NRXN3: variants seen among roughly 807,000 people sequenced by gnomAD.
NRXN3 encodes the protein neurexin 3.
Under a neutral mutation model 137.6 loss-of-function variants are expected in NRXN3, and 32 were observed. The ratio of observed to expected loss-of-function variants is 0.23; its 90% CI spans 0.18 to 0.31. NRXN3 has a LOEUF of 0.31. NRXN3 is among the 10% of genes least tolerant of loss of function. The pLI is 1.00. For synonymous variants in NRXN3, 798 were observed against 784.5 expected, an observed-to-expected ratio of 1.02 and a Z score of -0.29; for missense variants, 1,574 against 2,062.5, an observed-to-expected ratio of 0.76 and a Z score of 4.59.
At chr14:79,486,913 TTCTCTCTCTCTC>T (rs58861355) in intron 16 of NRXN3, among the ~76,000 whole-genome samples, 1,546 of 128,526 alleles carry the variant, frequency 0.012, 33 homozygotes, top group Middle Eastern at 0.023. Context: ...TCTTTACAGG[TTCTCTCTCTCTC>T]TCTCTCTCTC....
At position 79,774,593 on chromosome 14, in the gene NRXN3, C is replaced by T. The variant is rs77348935; in HGVS notation, c.4015-30519C>T. 2.4e-3 allele frequency among the ~76,000 whole-genome samples: 360 copies of T among 152,214 alleles called. 11 individuals are homozygous for T. The East Asian group carries it at 0.044, about 19-fold the overall frequency. On this transcript the variant is annotated intron_variant, in intron 19 of 20. Transcript: ENST00000335750. ...TAATCAGACCGTTAATGAATGTCTTCGCATTCATTATCAGACTCTGAAAAA... is the reference window on the plus strand; with the variant it reads ...TAATCAGACCGTTAATGAATGTCTTTGCATTCATTATCAGACTCTGAAAAA...
chr14:79,233,455 C>T (rs1168967537), intron 15 of NRXN3, among the ~76,000 whole-genome samples: 1 of 152,054 alleles, frequency 6.6e-6, no homozygotes, highest in African/African-American at 2.4e-5. Context: ...CTACTGTTGC[C>T]TTCTTGTACA....
chr14:79,195,516 G>A (rs903874878), intron 15 of NRXN3, among the ~76,000 whole-genome samples: 1 of 152,146 alleles, frequency 6.6e-6, no homozygotes, highest in East Asian at 1.9e-4. Flanking sequence ...GAAAATAAGA[G>A]CAAACATCTT....
chr14:78,803,301 GTGA>G (rs1369837309), intron 8 of NRXN3, among the ~76,000 whole-genome samples: 1 of 152,156 alleles, frequency 6.6e-6, no homozygotes, highest in Non-Finnish European at 1.5e-5. Flanking sequence ...AATACTATTT[GTGA>G]GGGGCGTTTT....
At chr14:78,660,276 T>TATATATATATATATA (rs1566997203) in intron 6 of NRXN3, among the ~76,000 whole-genome samples, 4 of 150,234 alleles carry the variant, frequency 2.7e-5, no homozygotes, top group East Asian at 1.9e-4. Context: ...TATATATATA[T>TATATATATATATATA]TTGGCAACTG....
Position 78,226,103 on chromosome 14 carries a change from A to G in NRXN3, c.-703-16288A>G, listed in dbSNP as rs549907953. Among the ~76,000 whole-genome samples, 4 of 152,100 alleles carry G rather than the reference A, an allele frequency of 2.6e-5. No individual in the cohort carries two copies. The East Asian group carries it at 7.8e-4, about 30-fold the overall frequency. ...ACTGCAACATCTGCCTCCTGGGTTC[A>G]AGCGATTCTCCTGCCTCAGCCTCCT... On this transcript the variant is annotated intron_variant, in intron 1 of 20. Coordinates refer to ENST00000335750, the MANE Select transcript of NRXN3 (RefSeq NM_001330195.2).
At chr14:79,250,725 A>G (rs2075811242) in intron 15 of NRXN3, among the ~76,000 whole-genome samples, 1 of 152,198 alleles carries the variant, frequency 6.6e-6, no homozygotes, top group Admixed American at 6.5e-5. Flanking sequence ...TAAAAATACT[A>G]TGCCAGAAGT....
intron 4 of NRXN3, among the ~76,000 whole-genome samples, chr14:78,543,955 T>C (rs915121621): frequency 6.6e-6 from 1 of 152,092 alleles, no homozygotes; most frequent in Non-Finnish European, 1.5e-5. Flanking sequence ...GGGAGGTGCA[T>C]AGAATGAATA....
chr14:79,853,493 G>A, intron 20 of NRXN3: 2 of 1,161,888 alleles, frequency 1.7e-6, no homozygotes, highest in Non-Finnish European at 2.3e-6. Context: ...AGATGGGCAT[G>A]TGTAGGCTCA....
chr14:79,515,267 C>T (rs938410183), intron 16 of NRXN3, among the ~76,000 whole-genome samples: 1 of 150,580 alleles, frequency 6.6e-6, no homozygotes, highest in Non-Finnish European at 1.5e-5. Flanking sequence ...GGCAACCCAG[C>T]GAACCTCACC....
intron 4 of NRXN3, among the ~76,000 whole-genome samples, chr14:78,621,352 A>T (rs2097402246): frequency 6.6e-6 from 1 of 152,186 alleles, no homozygotes; most frequent in Non-Finnish European, 1.5e-5. Context: ...TATACCATGT[A>T]GGTTGAGAGG....
chr14:79,179,653 G>A (rs1277294167), intron 15 of NRXN3, among the ~76,000 whole-genome samples: 1 of 152,188 alleles, frequency 6.6e-6, no homozygotes, highest in Non-Finnish European at 1.5e-5. Context: ...GCAGGACTGG[G>A]TGGAGAAAAT....
intron 6 of NRXN3, among the ~76,000 whole-genome samples, chr14:78,704,618 G>A (rs752520285): frequency 4.6e-5 from 7 of 152,042 alleles, no homozygotes; most frequent in Non-Finnish European, 7.4e-5. Context: ...TAGGCATGGG[G>A]TACAGGAGGG....
intron 10 of NRXN3, among the ~76,000 whole-genome samples, chr14:78,901,279 A>G (rs990704647): frequency 1.1e-4 from 17 of 151,714 alleles, no homozygotes; most frequent in African/African-American, 3.9e-4. Flanking sequence ...TTCCTGGACC[A>G]TTTAAATTGT....
intron 14 of NRXN3, among the ~76,000 whole-genome samples, chr14:78,980,278 C>T (rs2099486216): frequency 6.6e-6 from 1 of 152,222 alleles, no homozygotes; most frequent in Non-Finnish European, 1.5e-5. Flanking sequence ...GTCACTTCTC[C>T]TTTTCTCCCT....
chr14:78,686,260 T>G (rs1369587378), intron 6 of NRXN3, among the ~76,000 whole-genome samples: 1 of 152,240 alleles, frequency 6.6e-6, no homozygotes, highest in Non-Finnish European at 1.5e-5. Flanking sequence ...AGTGGATCGA[T>G]AAATGAATGA....
intron 20 of NRXN3, among the ~76,000 whole-genome samples, chr14:79,815,570 G>A (rs893456024): frequency 1.2e-4 from 18 of 152,084 alleles, no homozygotes; most frequent in African/African-American, 2.4e-4. Context: ...CAAGAAAGGC[G>A]AAGAAAGAGG....
chr14:79,535,763 G>C (rs1474885635), intron 16 of NRXN3, among the ~76,000 whole-genome samples: 1 of 152,108 alleles, frequency 6.6e-6, no homozygotes, highest in Non-Finnish European at 1.5e-5. Flanking sequence ...TGATGCCAAG[G>C]ATTTAACACA....
intron 15 of NRXN3, among the ~76,000 whole-genome samples, chr14:79,375,524 C>A (rs1406147840): frequency 6.6e-6 from 1 of 152,034 alleles, no homozygotes; most frequent in Non-Finnish European, 1.5e-5. Flanking sequence ...ACACGTGTCT[C>A]TTTCCGCAGC....
Sources: gnomAD v4.1 joint callset for allele counts (sites outside exome capture counted in the v4.1 genomes callset) on GRCh38, gnomAD v4.1.1 for gene constraint, MANE v1.5 for transcripts, NCBI Gene and HGNC (gene_info 2026-07-23, HGNC 2026-07-21) for gene names.